NDUFAF6: variants seen among roughly 807,000 people sequenced by gnomAD.
The protein encoded by NDUFAF6 is NADH:ubiquinone oxidoreductase complex assembly factor 6, also known as NADH dehydrogenase (ubiquinone) complex I, assembly factor 6.
In NDUFAF6, 45 loss-of-function variants were observed where a neutral mutation model predicts 40.8. That is an observed-to-expected ratio of 1.10 (90% CI 0.87 to 1.42). The LOEUF is 1.42. Ranked by LOEUF, NDUFAF6 falls within the 40% of genes most tolerant of loss-of-function variation. The pLI is 0.00. For missense variants in NDUFAF6, 435 were observed against 418.5 expected, an observed-to-expected ratio of 1.04 and a Z score of -0.34; for synonymous variants, 185 against 155.9, an observed-to-expected ratio of 1.19 and a Z score of -1.39.
At position 95,084,579 on chromosome 8, in the gene NDUFAF6, C is replaced by T. The variant is rs80266569; in HGVS notation, n.213+8827C>T. On this transcript the variant is annotated intron_variant and non_coding_transcript_variant, in intron 2 of 5. Transcript: ENST00000523184. ...GTTAACTTGTGATTTGGCTAAAACA[C>T]ATTGGCGTCACTTTCCAATACGTGC... 9.4e-3 allele frequency among the ~76,000 whole-genome samples: 1,427 copies of T among 152,320 alleles called. 17 individuals are homozygous for T. The highest frequency in any genetic ancestry group is 0.032 in the African/African-American group (1,341 of 41,568).
intron 1 of NDUFAF6, chr8:94,930,540 C>T (rs1820291337): frequency 6.2e-7 from 1 of 1,614,034 alleles, no homozygotes; most frequent in Admixed American, 1.7e-5. Flanking sequence ...CTTGACTTGC[C>T]GAGGGTGGCA....
chr8:95,005,549 A>ATATG lies in NDUFAF6; in HGVS notation c.-84+24579_-84+24580insGTAT, dbSNP rs1293448593. Among the ~76,000 whole-genome samples, 4 of 112,784 alleles carry ATATG rather than the reference A, an allele frequency of 3.5e-5. 1 individual carries two copies. Among genetic ancestry groups the ATATG allele is most frequent in the African/African-American group, 1.3e-4 (4 of 31,292 alleles). 74.0% of individuals were successfully genotyped at this position (112,784 alleles called of 152,430 possible). ...TAAATATATATATATATATATATAT[A>ATATG]TATAAAAAATATATTAACATAAATA... On this transcript the variant is annotated intron_variant, in intron 2 of 9. Coordinates refer to the NDUFAF6 transcript ENST00000396111.
chr8:94,997,335 CACACACACAG>C (rs1470115728), intron 2 of NDUFAF6, among the ~76,000 whole-genome samples: 112 of 137,472 alleles, frequency 8.1e-4, no homozygotes, highest in Admixed American at 2.3e-3. Flanking sequence ...CACACACACA[CACACACACAG>C]AGAGAGAGAG....
chr8:95,000,401 A>G (rs2131640711), intron 2 of NDUFAF6, among the ~76,000 whole-genome samples: 1 of 152,272 alleles, frequency 6.6e-6, no homozygotes, highest in Middle Eastern at 3.4e-3. Flanking sequence ...ACAATTTCTT[A>G]GACACTATGA....
intron 1 of NDUFAF6, among the ~76,000 whole-genome samples, chr8:94,964,902 G>C (rs1823887104): frequency 6.6e-6 from 1 of 152,192 alleles, no homozygotes; most frequent in African/African-American, 2.4e-5. Context: ...CATCCAGAAA[G>C]CATGGTATAG....
At chr8:95,097,429 G>A (rs564208649), upstream of NDUFAF6, among the ~76,000 whole-genome samples, 1 of 152,240 alleles carries the variant, frequency 6.6e-6, no homozygotes, top group Non-Finnish European at 1.5e-5. Context: ...CGGGCGCAGC[G>A]GCTCACGCCT....
At chr8:95,105,066 C>CAGAG (rs55705930), downstream of NDUFAF6, among the ~76,000 whole-genome samples, 130 of 72,870 alleles carry the variant, frequency 1.8e-3, no homozygotes, top group Non-Finnish European at 3.1e-3. Context: ...CACACACACA[C>CAGAG]AGAGAGAGAG....
At chr8:94,964,932 G>A (rs530298503) in intron 1 of NDUFAF6, among the ~76,000 whole-genome samples, 6 of 152,216 alleles carry the variant, frequency 3.9e-5, no homozygotes, top group East Asian at 1.9e-4. Context: ...ACTGATGGGC[G>A]CCAGAGATGT....
At position 95,114,642 on chromosome 8, in the gene NDUFAF6, A is replaced by G. The variant is rs78680359; in HGVS notation, n.345-894A>G. 6.5e-3 allele frequency among the ~76,000 whole-genome samples: 995 copies of G among 152,308 alleles called. 9 individuals carry two copies. Among genetic ancestry groups the G allele is most frequent in the African/African-American group, 0.023 (948 of 41,560 alleles). ...GAGTCATCTTGCTGACTTTCTGTAT[A>G]TATTTTCTACCACTGTTCTATAATC... On this transcript the variant is annotated intron_variant and non_coding_transcript_variant, in intron 4 of 5. Transcript: ENST00000523184.
At chr8:95,113,920 A>C in intron 4 of NDUFAF6, among the ~76,000 whole-genome samples, 1 of 147,856 alleles carries the variant, frequency 6.8e-6, no homozygotes, top group East Asian at 2.0e-4. Context: ...AAAACCAAAC[A>C]CCGCATATTC....
chr8:95,000,123 G>A (rs938301437), intron 2 of NDUFAF6, among the ~76,000 whole-genome samples: 2 of 151,996 alleles, frequency 1.3e-5, no homozygotes, highest in African/African-American at 4.8e-5. Context: ...GATCAATTGA[G>A]CTCAGGAATT....
At chr8:95,031,357 T>C (rs1245942324) in intron 1 of NDUFAF6, among the ~76,000 whole-genome samples, 2 of 152,222 alleles carry the variant, frequency 1.3e-5, no homozygotes, top group Non-Finnish European at 2.9e-5. Context: ...TGTCTATATG[T>C]CTTAAAAACC....
chr8:95,065,883 T>C (rs1265522265), intron 9 of NDUFAF6, among the ~76,000 whole-genome samples: 1 of 125,568 alleles, frequency 8.0e-6, no homozygotes, highest in African/African-American at 3.0e-5. Flanking sequence ...ATCCTTTGAT[T>C]TAGTTCTTTA....
rs564479370 is a variant in NDUFAF6, at chr8:95,094,695, G to A, written n.214-6437G>A. On this transcript the variant is annotated intron_variant and non_coding_transcript_variant, in intron 2 of 5. Coordinates refer to the NDUFAF6 transcript ENST00000523184. ...CTCCCAGAGTGTTGAGATTACAGGC[G>A]TGGGCCTCTGCGTCTGGCCTCTTTC... 8.6e-5 allele frequency among the ~76,000 whole-genome samples: 13 copies of A among 150,786 alleles called. No individual in the cohort carries two copies. In the East Asian group the frequency reaches 9.8e-4, roughly 11 times the overall value.
intron 2 of NDUFAF6, among the ~76,000 whole-genome samples, chr8:95,090,182 C>T (rs569111184): frequency 2.1e-4 from 32 of 152,226 alleles, no homozygotes; most frequent in African/African-American, 7.7e-4. Context: ...CCCAAATCAC[C>T]GGTTGTGGGG....
chr8:94,990,751 G>A (rs1206100906), intron 2 of NDUFAF6, among the ~76,000 whole-genome samples: 1 of 152,208 alleles, frequency 6.6e-6, no homozygotes, highest in African/African-American at 2.4e-5. Context: ...TGGACAATTG[G>A]TCAACTTGAC....
intron 5 of NDUFAF6, 134 bp from the exon 6 acceptor site, chr8:95,046,860 A>T: frequency 8.1e-7 from 1 of 1,235,244 alleles, no homozygotes; most frequent in South Asian, 1.3e-5. Flanking sequence ...TTTTTCACTC[A>T]TAAATCCTGT....
intron 8 of NDUFAF6, among the ~76,000 whole-genome samples, chr8:95,054,410 G>A (rs1184797967): frequency 6.6e-6 from 1 of 150,390 alleles, no homozygotes; most frequent in East Asian, 2.0e-4. Context: ...GAAACTCGGG[G>A]GGTGGGGCCC....
chr8:94,912,964 C>T (rs578080230), intron 1 of NDUFAF6, among the ~76,000 whole-genome samples: 5 of 152,242 alleles, frequency 3.3e-5, no homozygotes, highest in African/African-American at 9.6e-5. Flanking sequence ...GGCGACAAAG[C>T]GAGACTCCAT....
Sources: allele counts gnomAD v4.1 joint callset (sites outside exome capture counted in the v4.1 genomes callset), GRCh38; gene constraint gnomAD v4.1.1; transcripts MANE v1.5; gene names NCBI Gene and HGNC (gene_info 2026-07-23, HGNC 2026-07-21).